Variants in HSPG2 observed in about 807,000 individuals in gnomAD.
The protein encoded by HSPG2 is basement membrane-specific heparan sulfate proteoglycan core protein.
HSPG2 carries 278 observed loss-of-function variants against 526.6 expected under a neutral mutation model. That is an observed-to-expected ratio of 0.53 (90% CI 0.48 to 0.58). The LOEUF (loss-of-function observed/expected upper bound fraction) is 0.58. Among genes scored for constraint, HSPG2 ranks in the 20% least tolerant of loss-of-function variants. The probability of loss-of-function intolerance (pLI) is 0.00; values close to 1 mark genes in which losing one functional copy is unlikely to be tolerated. For synonymous variants in HSPG2, 2,465 were observed against 2,555.4 expected (o/e 0.96, Z 1.07); for missense variants, 5,354 against 6,099.5 (o/e 0.88, Z 4.07).
Position 21,828,800 on chromosome 1 carries a change from TC to T in HSPG2, c.12237+34del, listed in dbSNP as rs1557671378. ...AGGGGGACACAAGGCTTGGCACCCC[TC>T]CCCTCCCGCTTGTCCCGAGGAGGCT... On this transcript the variant is annotated intron_variant, in intron 88 of 96. Transcript: ENST00000374695. The surrounding 1 kb of genome is among the most constrained non-coding windows in gnomAD (Gnocchi z 6.0). 2 of 1,545,166 alleles carry T rather than the reference TC, an allele frequency of 1.3e-6. No homozygotes were observed. Among genetic ancestry groups the T allele is most frequent in the East Asian group, 4.9e-5 (2 of 40,588 alleles).
At chr1:21,831,119 G>A (rs944479644) in intron 84 of HSPG2, 29 bp from the exon 85 acceptor site, 94 of 1,607,638 alleles carry the variant, frequency 5.8e-5, no homozygotes, top group African/African-American at 1.7e-4. Flanking sequence ...AAGTAAGGCC[G>A]AGAACATTCA....
At chr1:21,838,793 A>G (rs1397520487) in intron 74 of HSPG2, 32 bp downstream of exon 74, 1 of 1,606,276 alleles carries the variant, frequency 6.2e-7, no homozygotes, top group Admixed American at 1.7e-5. Flanking sequence ...AGGAAAGGTG[A>G]TCCCCTTCCA....
chr1:21,834,277 T>G (rs2098017223), intron 77 of HSPG2, among the ~76,000 whole-genome samples: 1 of 152,202 alleles, frequency 6.6e-6, no homozygotes, highest in African/African-American at 2.4e-5. Flanking sequence ...GGAATTGCCT[T>G]TAAAGAACAC....
chr1:21,855,651 G>A lies in HSPG2; in HGVS notation c.5726C>T (p.Ala1909Val), dbSNP rs1326806687. ...WTGGPGGQLP[A>V]KAQIHGGILR... Reference sequence around the variant, plus strand: ...GATGCCGCCGTGGATTTGTGCCTTCGCAGGGAGCTGGCCGCCGGGGCCCCC... The same window carrying A: ...GATGCCGCCGTGGATTTGTGCCTTCACAGGGAGCTGGCCGCCGGGGCCCCC... The change falls in exon 46 of 97, where the codon GCG (alanine) becomes GTG (valine). Residue 1909 changes from alanine (A) to valine (V), a missense_variant. Coordinates refer to ENST00000374695, the MANE Select transcript of HSPG2 (RefSeq NM_005529.7). 1.0e-5 allele frequency: 16 copies of A among 1,574,754 alleles called. No homozygotes were observed. The highest frequency in any genetic ancestry group is 6.9e-5 in the East Asian group (3 of 43,240).
intron 1 of HSPG2, among the ~76,000 whole-genome samples, chr1:21,913,553 T>A (rs1227081055): frequency 3.9e-5 from 6 of 152,228 alleles, no homozygotes; most frequent in Non-Finnish European, 8.8e-5. Context: ...CTCTGCTCCC[T>A]GCCCAACCCC....
chr1:21,876,463 C>T, intron 22 of HSPG2, 49 bp downstream of exon 22: 2 of 1,612,854 alleles, frequency 1.2e-6, no homozygotes, highest in Non-Finnish European at 8.5e-7. Flanking sequence ...GCGCTTGGTC[C>T]ATCCGGCCCA....
chr1:21,923,365 C>CATT (rs1233004597), intron 1 of HSPG2, among the ~76,000 whole-genome samples: 2 of 152,012 alleles, frequency 1.3e-5, no homozygotes, highest in Admixed American at 1.3e-4. Flanking sequence ...GAGATCATGC[C>CATT]ATTGCACCCC....
rs989242031 is a variant in HSPG2, at chr1:21,903,258, C to T, written c.64-6948G>A. Among the ~76,000 whole-genome samples the T allele has an allele frequency of 2.4e-4, 37 of 152,286 alleles. 1 individual carries two copies. Among genetic ancestry groups the T allele is most frequent in the African/African-American group, 6.5e-4 (27 of 41,562 alleles). The stretch of plus-strand genomic sequence containing the variant: ...CCCTGAAATCCGTTCCAAGACACCC[C>T]TGTCCCTGCAGAACAATCCCTCCAA... On this transcript the variant is annotated intron_variant, in intron 1 of 96. Transcript: ENST00000374695.
In HSPG2 at chr1:21,874,382, G is replaced by A. The variant is rs377762240; in HGVS notation, c.3656+24C>T. 1.7e-5 allele frequency: 27 copies of A among 1,610,742 alleles called. No homozygotes were observed. In the Admixed American group the frequency reaches 3.5e-4, roughly 21 times the overall value. On this transcript the variant is annotated intron_variant, in intron 28 of 96. Transcript: ENST00000374695. ...GTGGTAGACATTTCAGGGAAGGGCAGGTGCAGGCAGGGACTGGACGCACTG... is the reference window on the plus strand; with the variant it reads ...GTGGTAGACATTTCAGGGAAGGGCAAGTGCAGGCAGGGACTGGACGCACTG...
chr1:21,856,948 T>C, intron 44 of HSPG2, 67 bp downstream of exon 44: 2 of 1,484,374 alleles, frequency 1.3e-6, no homozygotes, highest in Non-Finnish European at 1.9e-6. Context: ...GAAGAAATGC[T>C]GTGCTAATTC....
At chr1:21,930,885 T>C (rs1308824410) in intron 1 of HSPG2, among the ~76,000 whole-genome samples, 1 of 152,194 alleles carries the variant, frequency 6.6e-6, no homozygotes, top group Non-Finnish European at 1.5e-5. Flanking sequence ...TGTTCATTCA[T>C]TCATTCAACA....
rs2097985512 is a variant in HSPG2, at chr1:21,828,235, C to T, written c.12409+20G>A. The T allele has an allele frequency of 2.5e-6, 4 of 1,613,352 alleles. No homozygotes were observed. The highest frequency in any genetic ancestry group is 3.4e-6 in the Non-Finnish European group (4 of 1,180,018). On this transcript the variant is annotated intron_variant, in intron 89 of 96. Coordinates refer to ENST00000374695, the MANE Select transcript of HSPG2 (RefSeq NM_005529.7). The surrounding 1 kb of genome is among the most constrained non-coding windows in gnomAD (Gnocchi z 6.0). ...CCACCTGTGCCCCTCCCCTCCGGTG[C>T]CCTGGGCAGGCTTTCCCACCTTTGA... is the stretch of plus-strand genomic sequence containing the variant.
At chr1:21,901,334 T>C (rs189103523) in intron 1 of HSPG2, among the ~76,000 whole-genome samples, 211 of 152,114 alleles carry the variant, frequency 1.4e-3, no homozygotes, top group Admixed American at 4.1e-3. Flanking sequence ...TTAGGATTAG[T>C]ATCATGCAGA....
chr1:21,840,043 A>T (rs1488499906), intron 71 of HSPG2, 26 bp from the exon 72 acceptor site: 1 of 1,609,618 alleles, frequency 6.2e-7, no homozygotes, highest in South Asian at 1.1e-5. Context: ...GAGGCTGGTT[A>T]TGTGGGGACT....
In HSPG2 at chr1:21,875,546, G is replaced by T. The variant is rs1572324541; in HGVS notation, c.3302+83C>A. ...GAGGCACAAAAGGGTCACACAGTCT[G>T]TAAGTGGCTGTGCTGTACTGCACCG... is the stretch of plus-strand genomic sequence containing the variant. On this transcript the variant is annotated intron_variant, in intron 25 of 96. Coordinates refer to ENST00000374695, the MANE Select transcript of HSPG2 (RefSeq NM_005529.7). 2.2e-5 allele frequency: 22 copies of T among 1,004,670 alleles called. No individual in the cohort carries two copies. The East Asian group carries it at 5.2e-4, about 24-fold the overall frequency. 62.2% of individuals were successfully genotyped at this position (1,004,670 alleles called of 1,614,324 possible). A position where few individuals can be genotyped will look rare whatever the true frequency, so the allele number is the denominator to read the frequency against.
intron 74 of HSPG2, 82 bp downstream of exon 74, chr1:21,838,743 C>A: frequency 1.4e-6 from 2 of 1,476,788 alleles, no homozygotes; most frequent in East Asian, 2.3e-5. Context: ...GGGAGGCCTT[C>A]CCACCCGAGT....
intron 71 of HSPG2, among the ~76,000 whole-genome samples, chr1:21,840,577 A>G (rs1484891525): frequency 6.6e-6 from 1 of 152,056 alleles, no homozygotes; most frequent in Non-Finnish European, 1.5e-5. Context: ...AATTGCTAGG[A>G]TTACAGGTGT....
intron 9 of HSPG2, among the ~76,000 whole-genome samples, chr1:21,886,343 ACT>A (rs1180203835): frequency 2.7e-5 from 4 of 150,234 alleles, no homozygotes; most frequent in Non-Finnish European, 1.5e-5. Flanking sequence ...GCGTTCGCAA[ACT>A]CTGCCAGTCT....
At chr1:21,918,044 C>T (rs1268186101) in intron 1 of HSPG2, among the ~76,000 whole-genome samples, 1 of 152,024 alleles carries the variant, frequency 6.6e-6, no homozygotes, top group Non-Finnish European at 1.5e-5. Flanking sequence ...CTATGTTGAA[C>T]TGAATTATAA....
Sources: allele counts gnomAD v4.1 joint callset (sites outside exome capture counted in the v4.1 genomes callset), GRCh38; gene constraint gnomAD v4.1.1; non-coding constraint Gnocchi (gnomAD v3.1); transcripts MANE v1.5; gene names NCBI Gene and HGNC (gene_info 2026-07-23, HGNC 2026-07-21).